Variants in ARHGEF4 observed in about 807,000 individuals in gnomAD.
ARHGEF4 encodes Rho guanine nucleotide exchange factor 4.
ARHGEF4 carries 119 observed loss-of-function variants against 162.0 expected under a neutral mutation model. The observed-to-expected ratio is 0.73, with a 90% CI of 0.63 to 0.86. The LOEUF is 0.86. Ranked by LOEUF, ARHGEF4 falls within the 40% of genes least tolerant of loss-of-function variation. ARHGEF4 has a pLI of 0.00. For missense variants in ARHGEF4, 2,488 were observed against 2,456.0 expected (o/e 1.01, Z -0.28); for synonymous variants, 1,014 against 979.9 (o/e 1.03, Z -0.65).
At position 131,046,200 on chromosome 2, in the gene ARHGEF4, G is replaced by A. The variant is rs770149630; in HGVS notation, c.*11G>A. ...CCCTTCCGCAAGTGAACTGGTCCCT[G>A]CCTGACAGCACCTGCTGGGCCTTCC... On this transcript the variant is annotated 3_prime_UTR_variant, in exon 14 of 14. Transcript: ENST00000409359. 1.9e-6 allele frequency: 3 copies of A among 1,603,944 alleles called. No individual in the cohort carries two copies. Among genetic ancestry groups the A allele is most frequent in the Admixed American group, 3.4e-5 (2 of 59,612 alleles).
At chr2:130,929,625 G>A (rs1217690953) in intron 2 of ARHGEF4, 2 of 152,182 alleles carry the variant, frequency 1.3e-5, no homozygotes, top group East Asian at 3.8e-4. Context: ...TACAAAATAA[G>A]CATCATATTC....
chr2:131,029,568 G>C (rs1190015703), intron 5 of ARHGEF4, among the ~76,000 whole-genome samples: 1 of 96,428 alleles, frequency 1.0e-5, no homozygotes, highest in South Asian at 3.2e-4. Context: ...TTTTTTTTTT[G>C]AGATGGAGTC....
intron 1 of ARHGEF4, among the ~76,000 whole-genome samples, chr2:130,911,680 A>AT (rs879380481): frequency 2.0e-5 from 3 of 151,934 alleles, no homozygotes; most frequent in South Asian, 2.1e-4. Flanking sequence ...GTCATCTTAG[A>AT]TTTTTTTTCC....
chr2:130,910,877 G>T (rs1224637005), intron 1 of ARHGEF4, among the ~76,000 whole-genome samples: 1 of 152,166 alleles, frequency 6.6e-6, no homozygotes, highest in East Asian at 1.9e-4. Flanking sequence ...AAATTATAAT[G>T]AGCTTATTTT....
intron 13 of ARHGEF4, chr2:131,045,735 G>A (rs1691198373): frequency 7.0e-7 from 1 of 1,434,748 alleles, no homozygotes; most frequent in Non-Finnish European, 9.1e-7. Flanking sequence ...TCTGGGGTTG[G>A]TGTAGGGATG....
intron 4 of ARHGEF4, among the ~76,000 whole-genome samples, chr2:130,967,557 A>G (rs1325149543): frequency 1.3e-5 from 2 of 152,110 alleles, no homozygotes; most frequent in African/African-American, 2.4e-5. Context: ...CTGCTTCCAC[A>G]TTCCCCCGCA....
chr2:130,992,605 A>G (rs908641614), intron 4 of ARHGEF4, among the ~76,000 whole-genome samples: 2 of 152,124 alleles, frequency 1.3e-5, no homozygotes, highest in East Asian at 3.9e-4. Flanking sequence ...AACAAACTCC[A>G]GACGCGCCAC....
In ARHGEF4 at chr2:130,964,497, C is replaced by T. The variant is rs1684868509; in HGVS notation, c.3985+17862C>T. On this transcript the variant is annotated intron_variant, in intron 4 of 13. Transcript: ENST00000409359. Reference sequence around the variant, plus strand: ...GTGGGCCACCTGTTACAGCCGGGACCTTGTTGGCCCCCATACCAGAGCGCG... The same window carrying T: ...GTGGGCCACCTGTTACAGCCGGGACTTTGTTGGCCCCCATACCAGAGCGCG... Among the ~76,000 whole-genome samples the T allele has an allele frequency of 2.6e-5, 4 of 152,252 alleles. No individual in the cohort carries two copies. The South Asian group carries it at 8.3e-4, about 31-fold the overall frequency.
chr2:130,948,270 C>T (rs1683742623), intron 4 of ARHGEF4, among the ~76,000 whole-genome samples: 1 of 152,192 alleles, frequency 6.6e-6, no homozygotes. Flanking sequence ...GGTGGTTGTC[C>T]ATCAGCAGAT....
chr2:130,905,448 T>C (rs1199634427), intron 1 of ARHGEF4, among the ~76,000 whole-genome samples: 6 of 152,246 alleles, frequency 3.9e-5, no homozygotes, highest in Non-Finnish European at 5.9e-5. Flanking sequence ...TAGCATTCAT[T>C]AGTACATCTT....
At chr2:130,931,608 A>G (rs1407539215) in intron 3 of ARHGEF4, among the ~76,000 whole-genome samples, 1 of 152,264 alleles carries the variant, frequency 6.6e-6, no homozygotes, top group African/African-American at 2.4e-5. Context: ...ACACTGCCCT[A>G]GCATTGGCTC....
intron 2 of ARHGEF4, among the ~76,000 whole-genome samples, chr2:130,926,045 T>TTTCTTTCTTTCC (rs1682246134): frequency 9.0e-6 from 1 of 111,434 alleles, no homozygotes; most frequent in Non-Finnish European, 1.7e-5. Flanking sequence ...TCTTTCTTTC[T>TTTCTTTCTTTCC]TTCTCTTTCT....
At chr2:130,930,223 CAG>C (rs1279098514) in intron 2 of ARHGEF4, among the ~76,000 whole-genome samples, 1 of 152,150 alleles carries the variant, frequency 6.6e-6, no homozygotes, top group Non-Finnish European at 1.5e-5. Flanking sequence ...TTTTAGCAAA[CAG>C]TACACACAGA....
Position 130,854,862 on chromosome 2 carries a change from ATTTATTTATTT to A in ARHGEF4, c.39+17871_39+17881del, listed in dbSNP as rs565354574. 7.7e-3 allele frequency among the ~76,000 whole-genome samples: 1,155 copies of A among 149,188 alleles called. 13 individuals carry two copies. Among genetic ancestry groups the A allele is most frequent in the African/African-American group, 0.026 (1,073 of 40,586 alleles). On this transcript the variant is annotated intron_variant, in intron 1 of 13. Transcript: ENST00000409359. The stretch of plus-strand genomic sequence containing the variant: ...GAGTCTGACTTTTATTTATTTATTT[ATTTATTTATTT>A]ATTTATTTATTTATTTTCGAGACAG...
intron 1 of ARHGEF4, among the ~76,000 whole-genome samples, chr2:130,904,604 A>C (rs1343182705): frequency 6.6e-6 from 1 of 152,206 alleles, no homozygotes; most frequent in Admixed American, 6.5e-5. Context: ...TACGGACTAC[A>C]AAGAAGTGAT....
chr2:131,041,180 G>C lies in ARHGEF4; in HGVS notation c.4663-50G>C, dbSNP rs370743177. ...CCCTTCCCACACATGCAGCTGGATT[G>C]CCTGTGGGAGCAGCAGAGAGCTCTG... On this transcript the variant is annotated intron_variant, in intron 8 of 13. Coordinates refer to ENST00000409359, the MANE Select transcript of ARHGEF4 (RefSeq NM_001367493.1). 5 of 1,542,998 alleles carry C rather than the reference G, an allele frequency of 3.2e-6. No homozygotes were observed. In the African/African-American group the frequency reaches 5.4e-5, roughly 17 times the overall value.
At chr2:131,043,410 T>G in intron 10 of ARHGEF4, 42 bp from the exon 11 acceptor site, 1 of 1,609,468 alleles carries the variant, frequency 6.2e-7, no homozygotes, top group Non-Finnish European at 8.5e-7. Flanking sequence ...GAGCCCACGG[T>G]TGGGTATGCG....
intron 1 of ARHGEF4, among the ~76,000 whole-genome samples, chr2:130,873,550 G>A (rs1407231824): frequency 6.7e-6 from 1 of 149,318 alleles, no homozygotes; most frequent in Non-Finnish European, 1.5e-5. Context: ...CTGCGCCATT[G>A]CACTCCAGCC....
rs367743869 is a variant in ARHGEF4 at position 130,887,081 on chromosome 2, ATGT to A, written c.40-26900_40-26898del. Among the ~76,000 whole-genome samples the A allele has an allele frequency of 3.9e-3, 598 of 152,080 alleles. 16 individuals are homozygous for A. The highest frequency in any genetic ancestry group is 0.014 in the African/African-American group (572 of 41,392). On this transcript the variant is annotated intron_variant, in intron 1 of 13. Coordinates refer to ENST00000409359, the MANE Select transcript of ARHGEF4 (RefSeq NM_001367493.1). Reference sequence around the variant, plus strand: ...TGAAATCAGGCAGTGTAGTTTCCCAATGTTGTTTTTCTTTTTAAAGGTTGTTTT... The same window carrying A: ...TGAAATCAGGCAGTGTAGTTTCCCAATGTTTTTCTTTTTAAAGGTTGTTTT...
Sources: allele counts gnomAD v4.1 joint callset (sites outside exome capture counted in the v4.1 genomes callset), GRCh38; gene constraint gnomAD v4.1.1; transcripts MANE v1.5; gene names NCBI Gene and HGNC (gene_info 2026-07-23, HGNC 2026-07-21).